KIAA1217: variants seen among roughly 807,000 people sequenced by gnomAD.
KIAA1217 encodes the protein sickle tail protein homolog.
Under a neutral mutation model 163.9 loss-of-function variants are expected in KIAA1217, and 88 were observed. The observed-to-expected ratio is 0.54, with a 90% confidence interval of 0.45 to 0.64. The LOEUF (loss-of-function observed/expected upper bound fraction) is 0.64. Ranked by LOEUF, KIAA1217 falls within the 30% of genes least tolerant of loss-of-function variation. The pLI, the probability that KIAA1217 is intolerant of heterozygous loss-of-function variation, is 0.00. For missense variants in KIAA1217, 2,372 were observed against 2,475.0 expected (o/e 0.96, Z 0.88); for synonymous variants, 903 against 923.1 (o/e 0.98, Z 0.39).
intron 1 of KIAA1217, among the ~76,000 whole-genome samples, chr10:23,811,218 A>ATG (rs1253126800): frequency 1.4e-5 from 2 of 143,222 alleles, no homozygotes; most frequent in Non-Finnish European, 1.5e-5. Flanking sequence ...TATAATCTAT[A>ATG]TATAGTATAG....
chr10:24,525,953 T>C (rs2072091122), intron 13 of KIAA1217, among the ~76,000 whole-genome samples: 1 of 152,210 alleles, frequency 6.6e-6, no homozygotes, highest in African/African-American at 2.4e-5. Context: ...ATCACGCCAC[T>C]GCACTCTAGC....
chr10:23,853,535 A>G (rs1839472551), intron 1 of KIAA1217, among the ~76,000 whole-genome samples: 2 of 152,168 alleles, frequency 1.3e-5, no homozygotes. Flanking sequence ...TCATAAAATG[A>G]GTTAGGGAGT....
intron 2 of KIAA1217, among the ~76,000 whole-genome samples, chr10:24,061,208 A>G (rs1227070233): frequency 6.6e-6 from 1 of 152,198 alleles, no homozygotes; most frequent in African/African-American, 2.4e-5. Context: ...TACATAAAAT[A>G]TTTAACATTG....
At chr10:24,261,351 G>T (rs2075703204) in intron 2 of KIAA1217, among the ~76,000 whole-genome samples, 2 of 152,018 alleles carry the variant, frequency 1.3e-5, no homozygotes, top group Non-Finnish European at 2.9e-5. Context: ...ACAAAAATTA[G>T]CTGGACCTAG....
rs145925942 is a variant in KIAA1217 at position 24,227,459 on chromosome 10, G to A, written c.354+7550G>A. ...CAGGTGTGAGCCACCGCACCTGGTC[G>A]GGATTATTCTTTAACATGAACATTA... On this transcript the variant is annotated intron_variant, in intron 2 of 20. Coordinates refer to ENST00000376454, the MANE Select transcript of KIAA1217 (RefSeq NM_019590.5). 6.5e-3 allele frequency among the ~76,000 whole-genome samples: 979 copies of A among 150,308 alleles called. 14 individuals carry two copies. The highest frequency in any genetic ancestry group is 7.9e-3 in the Non-Finnish European group (530 of 67,496).
At chr10:24,167,196 T>G (rs16916573) in intron 2 of KIAA1217, among the ~76,000 whole-genome samples, 2 of 151,328 alleles carry the variant, frequency 1.3e-5, no homozygotes, top group Non-Finnish European at 2.9e-5. Flanking sequence ...TCTCTCCTTT[T>G]CAAATTCCTT....
intron 2 of KIAA1217, among the ~76,000 whole-genome samples, chr10:24,373,053 T>G (rs2051911283): frequency 6.6e-6 from 1 of 152,180 alleles, no homozygotes; most frequent in Non-Finnish European, 1.5e-5. Context: ...TCCAATCCAA[T>G]AAAACCAGGC....
chr10:24,293,435 T>TGCCCC (rs1444586794), intron 2 of KIAA1217, among the ~76,000 whole-genome samples: 1 of 152,208 alleles, frequency 6.6e-6, no homozygotes, highest in Non-Finnish European at 1.5e-5. Context: ...CTGCAGGCAC[T>TGCCCC]GCCCCGCCCC....
chr10:24,050,198 G>A (rs1315511037), intron 2 of KIAA1217, among the ~76,000 whole-genome samples: 1 of 152,142 alleles, frequency 6.6e-6, no homozygotes, highest in East Asian at 1.9e-4. Flanking sequence ...GTAGATTCTG[G>A]ATATTAGCCC....
At chr10:23,941,312 G>A (rs1275434855) in intron 1 of KIAA1217, among the ~76,000 whole-genome samples, 1 of 152,166 alleles carries the variant, frequency 6.6e-6, no homozygotes, top group Non-Finnish European at 1.5e-5. Context: ...GAATGGTGAC[G>A]TAGATTGGAT....
intron 1 of KIAA1217, among the ~76,000 whole-genome samples, chr10:23,717,009 G>A (rs1276175822): frequency 6.6e-6 from 1 of 152,010 alleles, no homozygotes; most frequent in East Asian, 1.9e-4. Context: ...CTTATTTTAA[G>A]AAAATGCACA....
intron 7 of KIAA1217, 59 bp from the exon 8 acceptor site, chr10:24,495,085 TAAA>T (rs71506836): frequency 0.015 from 18,472 of 1,225,338 alleles, 1 homozygote; most frequent in South Asian, 0.046. Flanking sequence ...GAATGGGCTT[TAAA>T]AAAAAAAAAA....
chr10:24,546,371 T>G lies in KIAA1217; in HGVS notation c.*47T>G, dbSNP rs771291060. 1 of 1,514,894 alleles carries G rather than the reference T, an allele frequency of 6.6e-7. No individual in the cohort carries two copies. Among genetic ancestry groups the G allele is most frequent in the Non-Finnish European group, 8.9e-7 (1 of 1,128,092 alleles). The allele number at this position is 1,514,894 out of a possible 1,614,324, so 93.8% of individuals were successfully genotyped here. ...AAGTCGGAGTTACATTTAAAAAAAA[T>G]TAACAGTCTACAACAACTGTTTTCA... On this transcript the variant is annotated 3_prime_UTR_variant, in exon 21 of 21. Transcript: ENST00000376454.
At chr10:23,742,183 A>C (rs1483705527) in intron 1 of KIAA1217, among the ~76,000 whole-genome samples, 1 of 152,134 alleles carries the variant, frequency 6.6e-6, no homozygotes, top group Non-Finnish European at 1.5e-5. Flanking sequence ...TACATGATAA[A>C]TATCAAAAAA....
intron 1 of KIAA1217, among the ~76,000 whole-genome samples, chr10:23,888,541 G>C (rs911064287): frequency 6.6e-6 from 1 of 151,800 alleles, no homozygotes; most frequent in African/African-American, 2.4e-5. Context: ...CTTAGGATTT[G>C]GTTATAGAAA....
intron 2 of KIAA1217, among the ~76,000 whole-genome samples, chr10:24,162,273 T>A (rs2065153963): frequency 6.6e-6 from 1 of 152,222 alleles, no homozygotes; most frequent in Non-Finnish European, 1.5e-5. Flanking sequence ...TGTGCATGTT[T>A]AAAGGAAGTC....
At chr10:24,434,712 C>T (rs1003374855) in intron 4 of KIAA1217, among the ~76,000 whole-genome samples, 1 of 152,132 alleles carries the variant, frequency 6.6e-6, no homozygotes, top group African/African-American at 2.4e-5. Context: ...AACCAAACAA[C>T]CTGGAAAACA....
intron 1 of KIAA1217, among the ~76,000 whole-genome samples, chr10:23,746,354 T>G (rs1292599642): frequency 6.6e-6 from 1 of 152,206 alleles, no homozygotes; most frequent in Non-Finnish European, 1.5e-5. Flanking sequence ...TTGAACAGCC[T>G]GAGGAACCGT....
intron 3 of KIAA1217, among the ~76,000 whole-genome samples, chr10:24,395,137 C>T (rs1591576326): frequency 6.6e-6 from 1 of 152,140 alleles, no homozygotes; most frequent in Non-Finnish European, 1.5e-5. Context: ...AATCAGTCCC[C>T]AGTGGAGAAT....
Sources: allele counts gnomAD v4.1 joint callset (sites outside exome capture counted in the v4.1 genomes callset), GRCh38; gene constraint gnomAD v4.1.1; transcripts MANE v1.5; gene names NCBI Gene and HGNC (gene_info 2026-07-23, HGNC 2026-07-21).